FBXL19: variants seen among roughly 807,000 people sequenced by gnomAD.
The protein encoded by FBXL19 is F-box and leucine rich repeat protein 19.
Under a neutral mutation model 71.2 loss-of-function variants are expected in FBXL19, and 16 were observed. That is an observed-to-expected ratio of 0.22 (90% CI 0.15 to 0.34). The LOEUF (loss-of-function observed/expected upper bound fraction) is 0.34, where lower values mean the gene tolerates loss of function less well. Among genes scored for constraint, FBXL19 ranks in the 10% least tolerant of loss-of-function variants. FBXL19 has a pLI of 1.00. For missense variants in FBXL19, 658 were observed against 968.2 expected (o/e 0.68, Z 4.25); for synonymous variants, 447 against 409.4 (o/e 1.09, Z -1.11).
intron 7 of FBXL19, among the ~76,000 whole-genome samples, chr16:30,932,088 G>A (rs2055681137): frequency 6.6e-6 from 1 of 152,052 alleles, no homozygotes; most frequent in Non-Finnish European, 1.5e-5. Context: ...AACTTCCTGT[G>A]CCTCGGTTTC....
At chr16:30,926,952 GTCC>G (rs1567337507) in intron 2 of FBXL19, among the ~76,000 whole-genome samples, 2 of 152,172 alleles carry the variant, frequency 1.3e-5, no homozygotes, top group Admixed American at 6.6e-5. Context: ...GAGTGTTACT[GTCC>G]TCCTCTCCAA....
At chr16:30,924,529 C>A (rs1396158365) in intron 1 of FBXL19, 70 bp downstream of exon 1, 3 of 1,078,946 alleles carry the variant, frequency 2.8e-6, no homozygotes, top group Non-Finnish European at 3.6e-6. Flanking sequence ...CTCAGCCCGG[C>A]CTCTCTCTAC....
chr16:30,941,339 G>T (rs865813316), intron 7 of FBXL19, among the ~76,000 whole-genome samples: 3 of 152,094 alleles, frequency 2.0e-5, no homozygotes, highest in Non-Finnish European at 4.4e-5. Flanking sequence ...AATTAGCCAG[G>T]CGTGGTGACA....
At chr16:30,933,327 C>T (rs572667449) in intron 7 of FBXL19, among the ~76,000 whole-genome samples, 59 of 151,348 alleles carry the variant, frequency 3.9e-4, no homozygotes, top group African/African-American at 1.4e-3. Flanking sequence ...TTAGTAGAGA[C>T]GGGGTTTTGC....
Position 30,942,169 on chromosome 16 carries a change from T to C in FBXL19, c.1355T>C (p.Leu452Pro). ...ATGGACCTGAGCCGGCGGAAGTCACTGACCCCGCCCATGCTCAGTGGTGTG... is the reference window on the plus strand; with the variant it reads ...ATGGACCTGAGCCGGCGGAAGTCACCGACCCCGCCCATGCTCAGTGGTGTG... The part of the protein sequence containing the change: ...PRMDLSRRKS[L>P]TPPMLSGVVR... Residue 452 changes from leucine (L) to proline (P), a missense_variant, in exon 8 of 11, where the codon CTG becomes CCG. By Grantham distance (98) the Leu-to-Pro change is moderately conservative (BLOSUM62 -3). Transcript: ENST00000338343. This position sits in a 1 kb window ranked among gnomAD's most constrained non-coding sequence, Gnocchi z 5.7. 1 of 1,598,152 alleles carries C rather than the reference T, an allele frequency of 6.3e-7. No individual in the cohort carries two copies. The highest frequency in any genetic ancestry group is 8.5e-7 in the Non-Finnish European group (1 of 1,172,316).
At chr16:30,938,672 T>C (rs188464590) in intron 7 of FBXL19, among the ~76,000 whole-genome samples, 48 of 152,288 alleles carry the variant, frequency 3.2e-4, no homozygotes, top group African/African-American at 1.1e-3. Context: ...AGTCTTGCTC[T>C]GTCGCCCAGG....
intron 9 of FBXL19, among the ~76,000 whole-genome samples, chr16:30,944,578 T>C (rs1008414810): frequency 6.6e-6 from 1 of 152,214 alleles, no homozygotes; most frequent in African/African-American, 2.4e-5. Flanking sequence ...ATTTTCTTTA[T>C]TCATTCTTTC....
At chr16:30,932,143 C>T (rs2055681724) in intron 7 of FBXL19, among the ~76,000 whole-genome samples, 2 of 152,160 alleles carry the variant, frequency 1.3e-5, no homozygotes, top group Admixed American at 1.3e-4. Flanking sequence ...ATAGTGTTTT[C>T]TTGAGCTAAT....
intron 7 of FBXL19, among the ~76,000 whole-genome samples, chr16:30,940,375 G>A (rs903155763): frequency 1.3e-5 from 2 of 150,952 alleles, no homozygotes; most frequent in African/African-American, 2.4e-5. Context: ...AGCTGTGATC[G>A]CAGTACTGCA....
At position 30,927,381 on chromosome 16, in the gene FBXL19, A is replaced by G; in HGVS notation, c.251A>G (p.Glu84Gly). 3 of 1,593,472 alleles carry G rather than the reference A, an allele frequency of 1.9e-6. No homozygotes were observed. Among genetic ancestry groups the G allele is most frequent in the Admixed American group, 1.8e-5 (1 of 56,314 alleles). ...AGKEDTVEGEEEKFGLSLMEC... is the reference protein window; with the variant it reads ...AGKEDTVEGEGEKFGLSLMEC... The stretch of plus-strand genomic sequence containing the variant: ...AAGGAGGACACGGTGGAGGGAGAGG[A>G]AGAGAAATTTGGTTTGAGCCTCATG... Residue 84 changes from glutamate to glycine, a missense_variant, in exon 3 of 11, where the codon GAA becomes GGA. This residue lies in a region of FBXL19 where 447 missense variants were observed against 515.4 expected (regional missense o/e 0.87). Coordinates refer to ENST00000338343, the MANE Select transcript of FBXL19 (RefSeq NM_001382779.1).
At position 30,927,641 on chromosome 16, in the gene FBXL19, G is replaced by A. The variant is rs200017689; in HGVS notation, c.390G>A (p.Gln130=). Residue 130 remains glutamine (Q), a synonymous_variant, in exon 4 of 11, where the codon CAG becomes CAA. Coordinates refer to ENST00000338343, the MANE Select transcript of FBXL19 (RefSeq NM_001382779.1). ...GCTGGGAGTGCCCTCGCTGCACCCA[G>A]GAAGGCCGCACCAGCAAGGTAGGGG... ...PNCWECPRCT[Q]EGRTSKDSGE... 1,071 of 1,565,998 alleles carry A rather than the reference G, an allele frequency of 6.8e-4. 2 individuals carry two copies. In the Middle Eastern group the frequency reaches 0.01, roughly 15 times the overall value.
chr16:30,943,388 T>G (rs1269686177), intron 9 of FBXL19, among the ~76,000 whole-genome samples: 1 of 144,538 alleles, frequency 6.9e-6, no homozygotes, highest in Non-Finnish European at 1.5e-5. Context: ...TTTTTTTTTT[T>G]TTTTGAGGTG....
rs1043718145 is a variant in FBXL19, at chr16:30,925,531, C to A, written c.-24-200C>A. ...AGAGGAGCGAGGCCAGGAAGCAGTTCTTGGGCTCCTCTTGAGCTGCTGCAG... is the reference window on the plus strand; with the variant it reads ...AGAGGAGCGAGGCCAGGAAGCAGTTATTGGGCTCCTCTTGAGCTGCTGCAG... On this transcript the variant is annotated intron_variant, in intron 1 of 10. Transcript: ENST00000338343. This position sits in a 1 kb window ranked among gnomAD's most constrained non-coding sequence, Gnocchi z 5.0. The A allele has an allele frequency of 2.4e-5, 12 of 498,664 alleles. No homozygotes were observed. The highest frequency in any genetic ancestry group is 3.6e-5 in the Non-Finnish European group (11 of 304,350). 30.9% of individuals were successfully genotyped at this position (498,664 alleles called of 1,614,324 possible).
intron 9 of FBXL19, among the ~76,000 whole-genome samples, chr16:30,943,976 C>G (rs2055829990): frequency 6.6e-6 from 1 of 152,120 alleles, no homozygotes; most frequent in Admixed American, 6.5e-5. Context: ...TGCAGGTCAC[C>G]CAGTCAGGCC....
chr16:30,926,803 C>T (rs1170733916), intron 2 of FBXL19, among the ~76,000 whole-genome samples: 1 of 152,202 alleles, frequency 6.6e-6, no homozygotes, highest in Non-Finnish European at 1.5e-5. Context: ...AGGCTGCCCC[C>T]ACTTCCCCAA....
At chr16:30,947,012 G>A (rs1596659488) in intron 10 of FBXL19, 40 bp from the exon 11 acceptor site, 5 of 1,576,642 alleles carry the variant, frequency 3.2e-6, no homozygotes, top group Non-Finnish European at 4.3e-6. Context: ...CCAACCCCTT[G>A]CTCACCTGCC....
At position 30,946,737 on chromosome 16, in the gene FBXL19, A is replaced by G. The variant is rs762851898; in HGVS notation, c.1635A>G (p.Thr545=). ...TCTCATCTGGCTGCCCAGGGCAAACAGAGAGCCGTGGTCGGCTGCAGGGGG... is the reference window on the plus strand; with the variant it reads ...TCTCATCTGGCTGCCCAGGGCAAACGGAGAGCCGTGGTCGGCTGCAGGGGG... ...LPPPDTKPGQ[T]ESRGRLQGVA... Residue 545 remains threonine, a synonymous_variant, in exon 10 of 11, where the codon ACA becomes ACG. Coordinates refer to ENST00000338343, the MANE Select transcript of FBXL19 (RefSeq NM_001382779.1). The surrounding 1 kb of genome is among the most constrained non-coding windows in gnomAD (Gnocchi z 6.7). 3.1e-6 allele frequency: 5 copies of G among 1,612,486 alleles called. No homozygotes were observed. The highest frequency in any genetic ancestry group is 2.2e-5 in the East Asian group (1 of 44,868).
At chr16:30,937,953 C>T (rs1238309265) in intron 7 of FBXL19, among the ~76,000 whole-genome samples, 12 of 152,094 alleles carry the variant, frequency 7.9e-5, no homozygotes, top group Admixed American at 6.5e-4. Flanking sequence ...GAGCAGATGT[C>T]ACCGATTTTC....
Position 30,930,763 on chromosome 16 carries a change from T to C in FBXL19, c.1301+179T>C, listed in dbSNP as rs572898040. ...CCGTGTGCAGGCTACTTTCCACTTA[T>C]GGGCTCATTTAACCCCCTAGACAAC... On this transcript the variant is annotated intron_variant, in intron 7 of 10. Coordinates refer to ENST00000338343, the MANE Select transcript of FBXL19 (RefSeq NM_001382779.1). This position sits in a 1 kb window ranked among gnomAD's most constrained non-coding sequence, Gnocchi z 8.5. Among the ~76,000 whole-genome samples the C allele has an allele frequency of 2.6e-5, 4 of 152,354 alleles. No homozygotes were observed. Among genetic ancestry groups the C allele is most frequent in the South Asian group, 2.1e-4 (1 of 4,834 alleles).
Sources: gnomAD v4.1 joint callset for allele counts (sites outside exome capture counted in the v4.1 genomes callset) on GRCh38, gnomAD v4.1.1 for gene constraint, gnomAD v4.1.1 regional missense constraint, Gnocchi (gnomAD v3.1) non-coding constraint, MANE v1.5 for transcripts, NCBI Gene and HGNC (gene_info 2026-07-23, HGNC 2026-07-21) for gene names.